ASPH: variants seen among roughly 807,000 people sequenced by gnomAD.
ASPH encodes aspartate beta-hydroxylase.
A neutral mutation model predicts 118.4 loss-of-function variants in ASPH; 100 were observed. That is an observed-to-expected ratio of 0.84 (90% CI 0.72 to 1.00). ASPH has a LOEUF of 1.00. Ranked by LOEUF, ASPH falls within the 50% of genes least tolerant of loss-of-function variation. ASPH has a pLI of 0.00. For synonymous variants in ASPH, 315 were observed against 325.6 expected, an observed-to-expected ratio of 0.97 and a Z score of 0.35; for missense variants, 920 against 919.5, an observed-to-expected ratio of 1.00 and a Z score of -0.01.
At chr8:61,534,952 C>G (rs1818933028) in intron 21 of ASPH, among the ~76,000 whole-genome samples, 1 of 152,230 alleles carries the variant, frequency 6.6e-6, no homozygotes, top group South Asian at 2.1e-4. Flanking sequence ...AGGGCTCTCT[C>G]CTGGGCTTAC....
intron 14 of ASPH, among the ~76,000 whole-genome samples, chr8:61,589,327 T>C (rs1840404356): frequency 1.3e-5 from 2 of 152,208 alleles, no homozygotes; most frequent in South Asian, 4.1e-4. Context: ...AGACTCTTAC[T>C]GTGTAGGTGT....
chr8:61,675,253 GACTT>G (rs1431916620), intron 3 of ASPH: 4 of 868,346 alleles, frequency 4.6e-6, no homozygotes, highest in Non-Finnish European at 5.5e-6. Flanking sequence ...AATGGAAAAA[GACTT>G]ATTTAGGATG....
chr8:61,642,845 C>CAAAAAAAAAAAAA (rs749849292), intron 10 of ASPH, 43 bp downstream of exon 10: 2 of 872,950 alleles, frequency 2.3e-6, no homozygotes, highest in South Asian at 2.5e-5. Context: ...AACTCCATCT[C>CAAAAAAAAAAAAA]AAAAAAAAAA....
intron 1 of ASPH, among the ~76,000 whole-genome samples, chr8:61,692,978 ACAT>A (rs1833009660): frequency 6.6e-6 from 1 of 150,972 alleles, no homozygotes; most frequent in Admixed American, 6.6e-5. Context: ...GAAAACGATG[ACAT>A]CAACAACAAA....
At chr8:61,638,569 TTTTTACTACCTTTTTAAAA>T (rs1161980384) in intron 10 of ASPH, among the ~76,000 whole-genome samples, 2 of 152,144 alleles carry the variant, frequency 1.3e-5, no homozygotes, top group Non-Finnish European at 2.9e-5. Context: ...GGGCAGCCAC[TTTTTACTACCTTTTTAAAA>T]TTTTACTACC....
intron 22 of ASPH, among the ~76,000 whole-genome samples, chr8:61,523,478 G>C (rs955014006): frequency 3.3e-5 from 5 of 151,862 alleles, no homozygotes; most frequent in African/African-American, 1.2e-4. Context: ...ACTATGCCCA[G>C]CTAATTTTTT....
At chr8:61,622,866 G>A (rs979158368) in intron 13 of ASPH, among the ~76,000 whole-genome samples, 4 of 152,180 alleles carry the variant, frequency 2.6e-5, no homozygotes, top group Non-Finnish European at 5.9e-5. Flanking sequence ...CAGAGTGGGT[G>A]CATTCAATAA....
intron 1 of ASPH, among the ~76,000 whole-genome samples, chr8:61,693,697 C>T (rs1412451073): frequency 6.6e-6 from 1 of 152,234 alleles, no homozygotes; most frequent in African/African-American, 2.4e-5. Context: ...CAACTTCCTA[C>T]ATCTCCACTT....
intron 14 of ASPH, among the ~76,000 whole-genome samples, chr8:61,609,313 T>A (rs1240953775): frequency 1.3e-5 from 2 of 152,210 alleles, no homozygotes; most frequent in Non-Finnish European, 2.9e-5. Flanking sequence ...TGTTCCAGAA[T>A]CCCTATGAGG....
At chr8:61,647,287 T>C (rs548534812) in intron 5 of ASPH, among the ~76,000 whole-genome samples, 2 of 152,358 alleles carry the variant, frequency 1.3e-5, no homozygotes, top group African/African-American at 4.8e-5. Flanking sequence ...TCTATGGCCT[T>C]TTCCTGGGAA....
At chr8:61,557,889 T>C (rs548103094) in intron 18 of ASPH, among the ~76,000 whole-genome samples, 2 of 152,342 alleles carry the variant, frequency 1.3e-5, no homozygotes, top group South Asian at 4.1e-4. Flanking sequence ...ACACAGATGA[T>C]GATTCTGCCA....
chr8:61,670,926 G>A (rs1822163892), intron 3 of ASPH, among the ~76,000 whole-genome samples: 1 of 152,032 alleles, frequency 6.6e-6, no homozygotes, highest in African/African-American at 2.4e-5. Flanking sequence ...AAATGACCCT[G>A]GAAGAAGGAA....
intron 1 of ASPH, among the ~76,000 whole-genome samples, chr8:61,689,177 A>G (rs1321975393): frequency 6.6e-6 from 1 of 152,198 alleles, no homozygotes; most frequent in Non-Finnish European, 1.5e-5. Flanking sequence ...TTTAAAATCA[A>G]AATAAAACCC....
chr8:61,689,546 T>C (rs762967884), intron 1 of ASPH: 75 of 876,866 alleles, frequency 8.6e-5, no homozygotes, highest in Non-Finnish European at 1.2e-4. Context: ...GAGTTCAAAA[T>C]AGAAAATGTA....
chr8:61,668,289 C>A, intron 3 of ASPH: 2 of 1,599,666 alleles, frequency 1.3e-6, no homozygotes, highest in South Asian at 2.2e-5. Flanking sequence ...TTGACATTTA[C>A]AAGATGAAAA....
At chr8:61,507,564 A>C (rs1807099943) in intron 24 of ASPH, among the ~76,000 whole-genome samples, 1 of 152,238 alleles carries the variant, frequency 6.6e-6, no homozygotes, top group South Asian at 2.1e-4. Context: ...TTCACCTAAA[A>C]GGGGAAAATG....
chr8:61,629,409 G>A (rs1246798095), intron 13 of ASPH, among the ~76,000 whole-genome samples: 1 of 152,152 alleles, frequency 6.6e-6, no homozygotes, highest in Non-Finnish European at 1.5e-5. Context: ...CTGTCAGATT[G>A]CTACAAATAT....
At chr8:61,645,099 AC>A (rs1309063814) in intron 6 of ASPH, among the ~76,000 whole-genome samples, 1 of 152,094 alleles carries the variant, frequency 6.6e-6, no homozygotes, top group Admixed American at 6.5e-5. Context: ...TAACCCATAC[AC>A]CCCAGATAGC....
chr8:61,609,213 C>T (rs1846544055), intron 14 of ASPH, among the ~76,000 whole-genome samples: 1 of 152,188 alleles, frequency 6.6e-6, no homozygotes, highest in Admixed American at 6.5e-5. Context: ...TGTGCTATTC[C>T]AGTACTTTGA....
Sources: gnomAD v4.1 joint callset for allele counts (sites outside exome capture counted in the v4.1 genomes callset) on GRCh38, gnomAD v4.1.1 for gene constraint, MANE v1.5 for transcripts, NCBI Gene and HGNC (gene_info 2026-07-23, HGNC 2026-07-21) for gene names.